The following CACNA1I variants were observed in gnomAD, a reference collection of about 807,000 sequenced individuals.
The protein encoded by CACNA1I is voltage-dependent T-type calcium channel subunit alpha-1I.
In CACNA1I, 74 loss-of-function variants were observed where a neutral mutation model predicts 201.6. That is an observed-to-expected ratio of 0.37 (90% CI 0.30 to 0.45). The LOEUF is 0.45. Ranked by LOEUF, CACNA1I falls within the 20% of genes least tolerant of loss-of-function variation. The pLI, the probability that CACNA1I is intolerant of heterozygous loss-of-function variation, is 1.00. For missense variants in CACNA1I, 2,346 were observed against 3,138.1 expected, an observed-to-expected ratio of 0.75 and a Z score of 6.03; for synonymous variants, 1,431 against 1,345.2, an observed-to-expected ratio of 1.06 and a Z score of -1.40.
chr22:39,632,384 C>T (rs1934090367), intron 4 of CACNA1I, among the ~76,000 whole-genome samples: 1 of 152,210 alleles, frequency 6.6e-6, no homozygotes, highest in East Asian at 1.9e-4. Context: ...CACAGAGCCC[C>T]ACACTCCTCA....
chr22:39,648,880 C>T lies in CACNA1I; in HGVS notation c.1568-621C>T, dbSNP rs950785536. The stretch of plus-strand genomic sequence containing the variant: ...AGCAAAGGGATGAAGTTCCCTCTTC[C>T]CAGGGGCCCTTCCTGCCCGCTGCCC... On this transcript the variant is annotated intron_variant, in intron 9 of 36. Coordinates refer to ENST00000402142, the MANE Select transcript of CACNA1I (RefSeq NM_021096.4). This position sits in a 1 kb window ranked among gnomAD's most constrained non-coding sequence, Gnocchi z 5.4. 6.6e-6 allele frequency among the ~76,000 whole-genome samples: 1 copy of T among 152,042 alleles called. No homozygotes were observed. The highest frequency in any genetic ancestry group is 2.4e-5 in the African/African-American group (1 of 41,394).
chr22:39,575,968 T>C (rs1403404914), intron 1 of CACNA1I, among the ~76,000 whole-genome samples: 2 of 152,028 alleles, frequency 1.3e-5, no homozygotes, highest in African/African-American at 2.4e-5. Flanking sequence ...AGAGATGGGG[T>C]TTCACCATTT....
Position 39,687,712 on chromosome 22 carries a change from C to T in CACNA1I, c.*1307C>T, listed in dbSNP as rs992224047. 1.3e-5 allele frequency: 2 copies of T among 152,360 alleles called. No individual in the cohort carries two copies. Among genetic ancestry groups the T allele is most frequent in the African/African-American group, 4.8e-5 (2 of 41,576 alleles). 9.4% of individuals were successfully genotyped at this position (152,360 alleles called of 1,614,324 possible). On this transcript the variant is annotated 3_prime_UTR_variant, in exon 37 of 37. Coordinates refer to ENST00000402142, the MANE Select transcript of CACNA1I (RefSeq NM_021096.4). ...TTTCACTATAGCAGTGCTTCCCAAA[C>T]GGGTTCTAGACTTGGGTGTTTGATT...
In CACNA1I at chr22:39,588,174, C is replaced by T. The variant is rs567245255; in HGVS notation, c.237-9977C>T. 1.6e-4 allele frequency among the ~76,000 whole-genome samples: 22 copies of T among 139,154 alleles called. No homozygotes were observed. The East Asian group carries it at 3.7e-3, about 24-fold the overall frequency. The allele number at this position is 139,154 out of a possible 152,430, so 91.3% of individuals were successfully genotyped here. On this transcript the variant is annotated intron_variant, in intron 1 of 36. Transcript: ENST00000402142. The stretch of plus-strand genomic sequence containing the variant: ...TTGAGACAAAGTCTTGCTCTGTCAC[C>T]CAGGCTGGAGTGCAGTGGCACCGTC...
chr22:39,667,999 AT>A (rs1049602368), intron 23 of CACNA1I, among the ~76,000 whole-genome samples: 13 of 151,530 alleles, frequency 8.6e-5, no homozygotes, highest in African/African-American at 3.2e-4. Context: ...GAGTTCATGA[AT>A]TTTTTTTTGC....
Position 39,649,442 on chromosome 22 carries a change from C to T in CACNA1I, c.1568-59C>T, listed in dbSNP as rs996144784. On this transcript the variant is annotated intron_variant, in intron 9 of 36. Transcript: ENST00000402142. The surrounding 1 kb of genome is among the most constrained non-coding windows in gnomAD (Gnocchi z 7.3). ...GCCAAGCGCACTCAGGGATGTGTCC[C>T]AGGGTGGATTGGGCCTGGTGTGGGC... 8 of 1,472,510 alleles carry T rather than the reference C, an allele frequency of 5.4e-6. No homozygotes were observed. Among genetic ancestry groups the T allele is most frequent in the East Asian group, 5.0e-5 (2 of 39,918 alleles). The allele number at this position is 1,472,510 out of a possible 1,614,324, so 91.2% of individuals were successfully genotyped here.
At position 39,659,042 on chromosome 22, in the gene CACNA1I, C is replaced by T. The variant is rs771013278; in HGVS notation, c.2256C>T (p.Leu752=). 2.2e-5 allele frequency: 35 copies of T among 1,613,268 alleles called. No homozygotes were observed. Among genetic ancestry groups the T allele is most frequent in the Admixed American group, 5.0e-5 (3 of 59,902 alleles). ...VRFMPALRRQ[L]VVLMKTMDNV... ...TCATGCCTGCCCTGCGGCGCCAGCT[C>T]GTGGTGCTCATGAAGACCATGGACA... is the stretch of plus-strand genomic sequence containing the variant. Residue 752 remains leucine (L), a synonymous_variant, in exon 12 of 37, where the codon CTC becomes CTT. Coordinates refer to ENST00000402142, the MANE Select transcript of CACNA1I (RefSeq NM_021096.4). This position sits in a 1 kb window ranked among gnomAD's most constrained non-coding sequence, Gnocchi z 4.3.
Position 39,619,329 on chromosome 22 carries a change from G to T in CACNA1I, c.502G>T (p.Asp168Tyr). The change falls in exon 4 of 37, where the codon GAC becomes TAC. Residue 168 changes from aspartate to tyrosine, a missense_variant. Physicochemically the swap from Asp to Tyr is radical, Grantham distance 160 (BLOSUM62 -3). Around this residue, in one of 13 missense-constraint regions of CACNA1I, gnomAD observed 227 missense variants for 412.5 expected, o/e 0.55. Transcript: ENST00000402142. ...VMAGMVEYSL[D>Y]LQNINLSAIR... ...CTGCAGGATGGTCGAGTACTCCCTG[G>T]ACCTTCAGAACATCAACCTGTCAGC... 6.2e-7 allele frequency: 1 copy of T among 1,609,462 alleles called. No homozygotes were observed.
chr22:39,596,428 T>G (rs1221623871), intron 1 of CACNA1I, among the ~76,000 whole-genome samples: 1 of 27,266 alleles, frequency 3.7e-5, no homozygotes, highest in Non-Finnish European at 6.0e-5. Context: ...CGGAGGGAGA[T>G]GGGGGGGCAG....
Position 39,583,031 on chromosome 22 carries a change from ACCATCCATCCAT to A in CACNA1I, c.236+12083_236+12094del, listed in dbSNP as rs59155285. 6.7e-3 allele frequency among the ~76,000 whole-genome samples: 784 copies of A among 116,536 alleles called. 8 individuals carry two copies. The highest frequency in any genetic ancestry group is 0.021 in the African/African-American group (580 of 27,864). The allele number at this position is 116,536 out of a possible 152,430, so 76.5% of individuals were successfully genotyped here. On this transcript the variant is annotated intron_variant, in intron 1 of 36. Coordinates refer to ENST00000402142, the MANE Select transcript of CACNA1I (RefSeq NM_021096.4). ...ATCTGTCTTTCCATCCAAGCACCCA[ACCATCCATCCAT>A]CCATCCATCCATCCATCCATCCATC...
Position 39,648,081 on chromosome 22 carries a change from C to T in CACNA1I, c.1567+155C>T. ...TCCCTCTATAAAGTGAGGACAGGGG[C>T]CCCCAGCACGTGGCCGTCCACGGCG... is the stretch of plus-strand genomic sequence containing the variant. On this transcript the variant is annotated intron_variant, in intron 9 of 36. Coordinates refer to ENST00000402142, the MANE Select transcript of CACNA1I (RefSeq NM_021096.4). This position sits in a 1 kb window ranked among gnomAD's most constrained non-coding sequence, Gnocchi z 5.4. 3.0e-6 allele frequency: 2 copies of T among 660,828 alleles called. No individual in the cohort carries two copies. The highest frequency in any genetic ancestry group is 1.8e-5 in the African/African-American group (1 of 55,134). 40.9% of individuals were successfully genotyped at this position (660,828 alleles called of 1,614,324 possible).
At position 39,686,153 on chromosome 22, in the gene CACNA1I, C is replaced by A; in HGVS notation, c.6420C>A (p.Pro2140=). Reference sequence around the variant, plus strand: ...TCACCTCCCTCTTCTGCCCGCCGCCCCCGCCGCCAGCCCCCGGCCTCACGC... The same window carrying A: ...TCACCTCCCTCTTCTGCCCGCCGCCACCGCCGCCAGCCCCCGGCCTCACGC... ...LSLTSLFCPP[P]PPPAPGLTPA... The change falls in exon 37 of 37, where the codon CCC becomes CCA. Residue 2140 remains proline, a synonymous_variant. Transcript: ENST00000402142. 1.6e-6 allele frequency: 2 copies of A among 1,283,034 alleles called. No individual in the cohort carries two copies. The highest frequency in any genetic ancestry group is 2.0e-6 in the Non-Finnish European group (2 of 1,016,344). 79.5% of individuals were successfully genotyped at this position (1,283,034 alleles called of 1,614,324 possible).
chr22:39,645,723 G>C (rs553576930), intron 7 of CACNA1I, among the ~76,000 whole-genome samples: 150 of 152,364 alleles, frequency 9.8e-4, no homozygotes, highest in South Asian at 1.7e-3. Context: ...CGGCAGCCAA[G>C]TTCACTCCCA....
intron 5 of CACNA1I, among the ~76,000 whole-genome samples, chr22:39,639,326 T>G (rs961641815): frequency 6.6e-6 from 1 of 152,232 alleles, no homozygotes; most frequent in Non-Finnish European, 1.5e-5. Context: ...TTTGTCTCAG[T>G]GAAATTTTAC....
At chr22:39,671,581 C>G (rs1451463445) in intron 26 of CACNA1I, among the ~76,000 whole-genome samples, 1 of 152,088 alleles carries the variant, frequency 6.6e-6, no homozygotes, top group Non-Finnish European at 1.5e-5. Context: ...ATGTGAGGAG[C>G]AAGTGCATTC....
chr22:39,570,907 C>G lies in CACNA1I; in HGVS notation c.155C>G (p.Pro52Arg). Residue 52 changes from proline to arginine, a missense_variant, in exon 1 of 37, where the codon CCA becomes CGA. Pro to Arg is a moderately radical substitution (Grantham distance 103). Around this residue, in one of 13 missense-constraint regions of CACNA1I, gnomAD observed 130 missense variants for 160.7 expected, o/e 0.81. Coordinates refer to ENST00000402142, the MANE Select transcript of CACNA1I (RefSeq NM_021096.4). ...LDGADPHVPH[P>R]DLAPIAFFCL... ...GGAGCTGATCCTCATGTCCCACACC[C>G]AGACCTGGCGCCTATTGCCTTCTTC... 6.2e-7 allele frequency: 1 copy of G among 1,613,902 alleles called. No individual in the cohort carries two copies. Among genetic ancestry groups the G allele is most frequent in the Non-Finnish European group, 8.5e-7 (1 of 1,179,872 alleles).
intron 5 of CACNA1I, among the ~76,000 whole-genome samples, chr22:39,637,684 A>G (rs1295943232): frequency 6.6e-6 from 1 of 152,244 alleles, no homozygotes; most frequent in African/African-American, 2.4e-5. Flanking sequence ...ACAGACATGA[A>G]AAAGAAGGAA....
At chr22:39,579,469 G>T (rs909777096) in intron 1 of CACNA1I, among the ~76,000 whole-genome samples, 1 of 152,190 alleles carries the variant, frequency 6.6e-6, no homozygotes, top group African/African-American at 2.4e-5. Flanking sequence ...CCGAGGGTGG[G>T]TAGTTTATAA....
At chr22:39,621,775 G>C (rs888911500) in intron 4 of CACNA1I, among the ~76,000 whole-genome samples, 1 of 152,038 alleles carries the variant, frequency 6.6e-6, no homozygotes, top group Non-Finnish European at 1.5e-5. Context: ...TGTGCGGGAG[G>C]GGGAGGGGGA....
Sources: gnomAD v4.1 joint callset for allele counts (sites outside exome capture counted in the v4.1 genomes callset) on GRCh38, gnomAD v4.1.1 for gene constraint, gnomAD v4.1.1 regional missense constraint, Gnocchi (gnomAD v3.1) non-coding constraint, MANE v1.5 for transcripts, NCBI Gene and HGNC (gene_info 2026-07-23, HGNC 2026-07-21) for gene names.